NEFH: variants seen among roughly 807,000 people sequenced by gnomAD.
The protein encoded by NEFH is neurofilament heavy polypeptide.
A neutral mutation model predicts 56.6 loss-of-function variants in NEFH; 58 were observed. The observed-to-expected ratio is 1.03, with a 90% CI of 0.83 to 1.28. The LOEUF (loss-of-function observed/expected upper bound fraction) is 1.28. Ranked by LOEUF, NEFH falls within the 50% of genes most tolerant of loss-of-function variation. NEFH has a pLI of 0.00. For synonymous variants in NEFH, 542 were observed against 545.8 expected (o/e 0.99, Z 0.10); for missense variants, 1,221 against 1,307.6 (o/e 0.93, Z 1.02).
chr22:29,488,887 G>A lies in NEFH; in HGVS notation c.1247G>A (p.Gly416Asp). The A allele has an allele frequency of 1.2e-6, 2 of 1,614,152 alleles. No individual in the cohort carries two copies. The highest frequency in any genetic ancestry group is 1.7e-6 in the Non-Finnish European group (2 of 1,180,038). Residue 416 changes from glycine (G) to aspartate (D), a missense_variant, in exon 4 of 4, where the codon GGC becomes GAC. Around this residue, in one of 4 missense-constraint regions of NEFH, gnomAD observed 243 missense variants for 299.1 expected, o/e 0.81. Transcript: ENST00000310624. ...LEGEECRIGF[G>D]PIPFSLPEGL... ...GGTGAAGAGTGTCGGATTGGCTTTG[G>A]CCCAATTCCTTTCTCGCTTCCAGAA...
rs892495372 is a variant in NEFH, at chr22:29,483,406, G to A, written c.915G>A (p.Lys305=). The stretch of plus-strand genomic sequence containing the variant: ...TGGACCGACTGTCGGAGGCAGCCAA[G>A]GTGAACACAGACGCTATGCGCTCAG... ...VRLDRLSEAA[K]VNTDAMRSAQ... is the part of the protein sequence containing the mutation. Residue 305 remains lysine, a synonymous_variant, in exon 2 of 4, where the codon AAG becomes AAA. Transcript: ENST00000310624. 1.5e-5 allele frequency: 25 copies of A among 1,613,760 alleles called. No individual in the cohort carries two copies. In the African/African-American group the frequency reaches 2.9e-4, roughly 19 times the overall value.
chr22:29,491,177 G>T lies in NEFH; in HGVS notation c.*474G>T. ...GCCCAGAGCTCTCTATTCTGGAAGA[G>T]CGGTCCAGGTGGGGCCGGGGACTGG... On this transcript the variant is annotated 3_prime_UTR_variant, in exon 4 of 4. Coordinates refer to ENST00000310624, the MANE Select transcript of NEFH (RefSeq NM_021076.4). 3.7e-6 allele frequency: 1 copy of T among 271,780 alleles called. No homozygotes were observed. The highest frequency in any genetic ancestry group is 4.2e-5 in the South Asian group (1 of 23,958). The allele number at this position is 271,780 out of a possible 1,614,324, so 16.8% of individuals were successfully genotyped here.
At position 29,490,219 on chromosome 22, in the gene NEFH, A is replaced by G. The variant is rs773149441; in HGVS notation, c.2579A>G (p.Lys860Arg). 8.1e-6 allele frequency: 13 copies of G among 1,610,828 alleles called. No individual in the cohort carries two copies. The South Asian group carries it at 1.3e-4, about 16-fold the overall frequency. Reference sequence around the variant, plus strand: ...AAAACAGAGGAGAAGAAGGACAGCAAGAAAGAGGAGGCACCCAAGAAGGAG... The same window carrying G: ...AAAACAGAGGAGAAGAAGGACAGCAGGAAAGAGGAGGCACCCAAGAAGGAG... Reference protein sequence around the residue: ...TPKTEEKKDSKKEEAPKKEAP... With the variant: ...TPKTEEKKDSRKEEAPKKEAP... The change falls in exon 4 of 4, where the codon AAG becomes AGG. Residue 860 changes from lysine (K) to arginine (R), a missense_variant. Coordinates refer to ENST00000310624, the MANE Select transcript of NEFH (RefSeq NM_021076.4).
At chr22:29,486,879 C>T (rs2063047875) in intron 3 of NEFH, among the ~76,000 whole-genome samples, 1 of 152,172 alleles carries the variant, frequency 6.6e-6, no homozygotes, top group African/African-American at 2.4e-5. Flanking sequence ...GGTGGAAGTT[C>T]CTTATCCCCT....
At chr22:29,484,939 ATCC>A (rs1364748596) in intron 2 of NEFH, among the ~76,000 whole-genome samples, 3 of 152,002 alleles carry the variant, frequency 2.0e-5, no homozygotes, top group Admixed American at 2.0e-4. Context: ...GGCTCAAGTA[ATCC>A]TCCTCCCTCA....
chr22:29,480,324 G>A lies in NEFH; in HGVS notation c.62G>A (p.Gly21Asp), dbSNP rs566510031. The stretch of plus-strand genomic sequence containing the variant: ...GCCCCGTTCGCGCCGCTGCATGGCG[G>A]CGGCAGCCTCCACTACGCGCTAGCC... ...LGAPFAPLHG[G>D]GSLHYALARK... The change falls in exon 1 of 4, where the codon GGC becomes GAC. Residue 21 changes from glycine to aspartate, a missense_variant. By Grantham distance (94) the Gly-to-Asp change is moderately conservative. Transcript: ENST00000310624. 1.5e-5 allele frequency: 23 copies of A among 1,507,868 alleles called. No homozygotes were observed. Among genetic ancestry groups the A allele is most frequent in the Non-Finnish European group, 1.8e-5 (20 of 1,138,344 alleles). The allele number at this position is 1,507,868 out of a possible 1,614,324, so 93.4% of individuals were successfully genotyped here.
In NEFH at chr22:29,489,431, G is replaced by C. The variant is rs753850528; in HGVS notation, c.1791G>C (p.Glu597Asp). 5.6e-6 allele frequency: 9 copies of C among 1,612,988 alleles called. No individual in the cohort carries two copies. The East Asian group carries it at 1.8e-4, about 32-fold the overall frequency. The change falls in exon 4 of 4, where the codon GAG becomes GAC. Residue 597 changes from glutamate to aspartate, a missense_variant. This residue lies in a region of NEFH where 243 missense variants were observed against 299.1 expected (regional missense o/e 0.81). Transcript: ENST00000310624. ...PAKEEAKSPA[E>D]AKSPEKAKSP... is the part of the protein sequence containing the mutation. ...AGGAAGAGGCAAAGTCACCGGCTGA[G>C]GCCAAGTCTCCAGAGAAGGCCAAGT...
Position 29,481,161 on chromosome 22 carries a change from G to C in NEFH, c.883+16G>C. ...TGGTTCCGAGGTACGCAGGCGCGCGGGTGGGGGGAGGGGCGCCCCTGCTGA... is the reference window on the plus strand; with the variant it reads ...TGGTTCCGAGGTACGCAGGCGCGCGCGTGGGGGGAGGGGCGCCCCTGCTGA... On this transcript the variant is annotated intron_variant, in intron 1 of 3. Coordinates refer to ENST00000310624, the MANE Select transcript of NEFH (RefSeq NM_021076.4). The C allele has an allele frequency of 6.5e-7, 1 of 1,529,864 alleles. No homozygotes were observed. Among genetic ancestry groups the C allele is most frequent in the Non-Finnish European group, 8.7e-7 (1 of 1,144,000 alleles). The allele number at this position is 1,529,864 out of a possible 1,614,324, so 94.8% of individuals were successfully genotyped here.
At position 29,490,660 on chromosome 22, in the gene NEFH, C is replaced by T. The variant is rs1443043005; in HGVS notation, c.3020C>T (p.Pro1007Leu). 6 of 1,614,080 alleles carry T rather than the reference C, an allele frequency of 3.7e-6. No individual in the cohort carries two copies. The African/African-American group carries it at 5.3e-5, about 14-fold the overall frequency. Residue 1007 changes from proline (P) to leucine (L), a missense_variant, in exon 4 of 4, where the codon CCT (proline) becomes CTT (leucine). This residue lies in a region of NEFH where 301 missense variants were observed against 346.6 expected (regional missense o/e 0.87). Coordinates refer to ENST00000310624, the MANE Select transcript of NEFH (RefSeq NM_021076.4). ...AGCACAGACCAAAAAGACAGCAAGCCTCCAGAGAAGGCCACAGAAGACAAG... is the reference window on the plus strand; with the variant it reads ...AGCACAGACCAAAAAGACAGCAAGCTTCCAGAGAAGGCCACAGAAGACAAG... The part of the protein sequence containing the change: ...SSSTDQKDSK[P>L]PEKATEDKAA...
Position 29,480,803 on chromosome 22 carries a change from G to A in NEFH, c.541G>A (p.Val181Met). Residue 181 changes from valine (V) to methionine (M), a missense_variant, in exon 1 of 4, where the codon GTG (valine) becomes ATG (methionine). By Grantham distance (21) the Val-to-Met change is conservative. Transcript: ENST00000310624. ...QEHLLEDIAH[V>M]RQRLDDEARQ... is the part of the protein sequence containing the mutation. ...GCACCTGCTCGAGGACATCGCGCAC[G>A]TGCGCCAGCGCCTAGACGACGAGGC... The A allele has an allele frequency of 2.1e-6, 3 of 1,407,668 alleles. No individual in the cohort carries two copies. The highest frequency in any genetic ancestry group is 2.7e-6 in the Non-Finnish European group (3 of 1,091,960). The allele number at this position is 1,407,668 out of a possible 1,614,324, so 87.2% of individuals were successfully genotyped here. A position where few individuals can be genotyped will look rare whatever the true frequency, so the allele number is the denominator to read the frequency against.
intron 3 of NEFH, among the ~76,000 whole-genome samples, chr22:29,486,426 C>A (rs2063044569): frequency 6.6e-6 from 1 of 152,028 alleles, no homozygotes; most frequent in Non-Finnish European, 1.5e-5. Flanking sequence ...TTCATCATCG[C>A]AAACTGAAAC....
chr22:29,489,105 G>C lies in NEFH; in HGVS notation c.1465G>C (p.Gly489Arg). The change falls in exon 4 of 4, where the codon GGT becomes CGT. Residue 489 changes from glycine to arginine, a missense_variant. Around this residue, in one of 4 missense-constraint regions of NEFH, gnomAD observed 243 missense variants for 299.1 expected, o/e 0.81. Transcript: ENST00000310624. ...KEEEGKEEEGGEEEEAEGGEE... is the reference protein window; with the variant it reads ...KEEEGKEEEGREEEEAEGGEE... ...GGAGGAGGGCAAGGAGGAAGAAGGG[G>C]GTGAAGAAGAGGAGGCAGAAGGGGG... The C allele has an allele frequency of 6.2e-7, 1 of 1,613,366 alleles. No individual in the cohort carries two copies. The highest frequency in any genetic ancestry group is 8.5e-7 in the Non-Finnish European group (1 of 1,179,568).
chr22:29,480,294 TG>T lies in NEFH; in HGVS notation c.35del (p.Gly12AlafsTer17). MMSFGGADAL[L>X]GAPFAPLHGG... ...AGCTTCGGCGGCGCGGACGCGCTGCTGGGCGCCCCGTTCGCGCCGCTGCATG... is the reference window on the plus strand; with the variant it reads ...AGCTTCGGCGGCGCGGACGCGCTGCTGGCGCCCCGTTCGCGCCGCTGCATG... On this transcript the variant is annotated frameshift_variant, in exon 1 of 4. Transcript: ENST00000310624. LOFTEE classifies it high-confidence loss of function. 1 of 1,508,212 alleles carries T rather than the reference TG, an allele frequency of 6.6e-7. No individual in the cohort carries two copies. The highest frequency in any genetic ancestry group is 8.8e-7 in the Non-Finnish European group (1 of 1,137,916). 93.4% of individuals were successfully genotyped at this position (1,508,212 alleles called of 1,614,324 possible).
intron 1 of NEFH, among the ~76,000 whole-genome samples, chr22:29,482,021 T>C (rs563803182): frequency 9.4e-4 from 143 of 152,288 alleles, no homozygotes; most frequent in South Asian, 2.9e-3. Context: ...CTGTAAAACT[T>C]TGCGTTGTTT....
At position 29,480,700 on chromosome 22, in the gene NEFH, C is replaced by G. The variant is rs1307965049; in HGVS notation, c.438C>G (p.Tyr146Ter). Residue 146 changes from tyrosine (Y) to a stop codon, truncating the protein, a stop_gained, in exon 1 of 4, where the codon TAC becomes TAG. Transcript: ENST00000310624. LOFTEE classifies it high-confidence loss of function. ...QAGRSAMGELYEREVREMRGA... is the reference protein window; with the variant it reads ...QAGRSAMGEL ...GCCGCTCCGCTATGGGCGAGCTGTA[C>G]GAGCGCGAGGTCCGCGAGATGCGCG... The G allele has an allele frequency of 4.6e-6, 7 of 1,530,032 alleles. No homozygotes were observed. In the Admixed American group the frequency reaches 1.0e-4, roughly 22 times the overall value. The allele number at this position is 1,530,032 out of a possible 1,614,324, so 94.8% of individuals were successfully genotyped here.
At chr22:29,483,827 T>A (rs914455260) in intron 2 of NEFH, among the ~76,000 whole-genome samples, 2 of 136,466 alleles carry the variant, frequency 1.5e-5, no homozygotes, top group African/African-American at 2.8e-5. Context: ...AGAGATAGAC[T>A]TTTATTTATT....
intron 3 of NEFH, among the ~76,000 whole-genome samples, chr22:29,486,475 C>T (rs1007690295): frequency 2.0e-5 from 3 of 151,782 alleles, no homozygotes; most frequent in Admixed American, 6.6e-5. Context: ...TCTCTCCTTC[C>T]TTCAGCCCCT....
chr22:29,483,298 GAAC>G, intron 1 of NEFH, 74 bp from the exon 2 acceptor site: 1 of 1,248,166 alleles, frequency 8.0e-7, no homozygotes, highest in Non-Finnish European at 1.1e-6. Flanking sequence ...AAAAGAAAAA[GAAC>G]AAAGAAAAAA....
rs773078484 is a variant in NEFH, at chr22:29,483,594, A to G, written c.1083+20A>G. On this transcript the variant is annotated intron_variant, in intron 2 of 3. Coordinates refer to ENST00000310624, the MANE Select transcript of NEFH (RefSeq NM_021076.4). Reference sequence around the variant, plus strand: ...TACCAGGTGGGCAGGGGCAAGGCAGACAGCCAGACTGCCTTACCTGATTGG... The same window carrying G: ...TACCAGGTGGGCAGGGGCAAGGCAGGCAGCCAGACTGCCTTACCTGATTGG... 10 of 1,611,046 alleles carry G rather than the reference A, an allele frequency of 6.2e-6. No homozygotes were observed. Among genetic ancestry groups the G allele is most frequent in the African/African-American group, 2.7e-5 (2 of 74,882 alleles).
Sources: gnomAD v4.1 joint callset for allele counts (sites outside exome capture counted in the v4.1 genomes callset) on GRCh38, gnomAD v4.1.1 for gene constraint, gnomAD v4.1.1 regional missense constraint, MANE v1.5 for transcripts, NCBI Gene and HGNC (gene_info 2026-07-23, HGNC 2026-07-21) for gene names.